NECAB1: variants seen among roughly 807,000 people sequenced by gnomAD.
NECAB1 encodes N-terminal EF-hand calcium binding protein 1, also known as N-terminal EF-hand calcium-binding protein 1.
A neutral mutation model predicts 57.5 loss-of-function variants in NECAB1; 29 were observed. The ratio of observed to expected loss-of-function variants is 0.50; its 90% CI spans 0.38 to 0.69. NECAB1 has a LOEUF of 0.69. NECAB1 is among the 30% of genes least tolerant of loss of function. The pLI is 0.00. For missense variants in NECAB1, 372 were observed against 413.8 expected, an observed-to-expected ratio of 0.90 and a Z score of 0.88; for synonymous variants, 142 against 147.7, an observed-to-expected ratio of 0.96 and a Z score of 0.28.
At chr8:90,940,937 C>A in intron 10 of NECAB1, 39 bp downstream of exon 10, 1 of 1,435,922 alleles carries the variant, frequency 7.0e-7, no homozygotes, top group Non-Finnish European at 9.6e-7. Context: ...CCTTTGGCAG[C>A]CTGGGAATAC....
intron 8 of NECAB1, among the ~76,000 whole-genome samples, chr8:90,933,566 G>T (rs963015101): frequency 6.6e-6 from 1 of 151,984 alleles, no homozygotes; most frequent in Non-Finnish European, 1.5e-5. Flanking sequence ...TAGACTTTGG[G>T]GACTCAGGAG....
At chr8:90,794,652 T>G (rs866998724) in intron 1 of NECAB1, among the ~76,000 whole-genome samples, 1 of 152,218 alleles carries the variant, frequency 6.6e-6, no homozygotes, top group African/African-American at 2.4e-5. Context: ...TGGCTTTTCC[T>G]TCAGTATCCT....
At chr8:90,834,198 A>G (rs900120797) in intron 3 of NECAB1, among the ~76,000 whole-genome samples, 5 of 151,176 alleles carry the variant, frequency 3.3e-5, no homozygotes, top group Non-Finnish European at 7.4e-5. Flanking sequence ...AGATTTCAGA[A>G]TTTTAGAAAT....
At chr8:90,796,993 C>T (rs1434891355) in intron 1 of NECAB1, among the ~76,000 whole-genome samples, 1 of 152,146 alleles carries the variant, frequency 6.6e-6, no homozygotes, top group African/African-American at 2.4e-5. Context: ...CTTCAAAATC[C>T]TGAGGACAAA....
rs1554575432 is a variant in NECAB1 at position 90,917,870 on chromosome 8, A to ATATATATATGTGTG, written c.494+243_494+244insATATATATGTGTGT. On this transcript the variant is annotated intron_variant, in intron 6 of 12. Coordinates refer to ENST00000417640, the MANE Select transcript of NECAB1 (RefSeq NM_022351.5). The stretch of plus-strand genomic sequence containing the variant: ...TATATATATATATATATATATATAT[A>ATATATATATGTGTG]TGTGTGTGTGTGCGTGTATATATAT... Among the ~76,000 whole-genome samples, 511 of 64,208 alleles carry ATATATATATGTGTG rather than the reference A, an allele frequency of 8.0e-3. 25 individuals carry two copies. Among genetic ancestry groups the ATATATATATGTGTG allele is most frequent in the African/African-American group, 0.046 (436 of 9,486 alleles). 42.1% of individuals were successfully genotyped at this position (64,208 alleles called of 152,430 possible).
In NECAB1 at chr8:90,947,432, G is replaced by A. The variant is rs992468333; in HGVS notation, c.861-2375G>A. ...TTTTTTTTTTTTCAGAAAGAATCTC[G>A]CTCTGTTGCCCAGGCTGGAGTGCAG... is the stretch of plus-strand genomic sequence containing the variant. On this transcript the variant is annotated intron_variant, in intron 10 of 12. Transcript: ENST00000417640. 4.6e-5 allele frequency among the ~76,000 whole-genome samples: 6 copies of A among 129,690 alleles called. No individual in the cohort carries two copies. The East Asian group carries it at 1.1e-3, about 25-fold the overall frequency. The allele number at this position is 129,690 out of a possible 152,430, so 85.1% of individuals were successfully genotyped here. A position where few individuals can be genotyped will look rare whatever the true frequency, so the allele number is the denominator to read the frequency against.
At chr8:90,874,631 G>T (rs1442137222) in intron 4 of NECAB1, among the ~76,000 whole-genome samples, 1 of 152,130 alleles carries the variant, frequency 6.6e-6, no homozygotes, top group Non-Finnish European at 1.5e-5. Flanking sequence ...GATTAGTGCA[G>T]TTGCATCCCC....
At position 90,899,497 on chromosome 8, in the gene NECAB1, C is replaced by T. The variant is rs374393144; in HGVS notation, c.358-17995C>T. ...AAGTCCTAGTTACTGAATAACTTAG[C>T]AGAGGGTAGTTAAAAGCTCACTAAA... On this transcript the variant is annotated intron_variant, in intron 5 of 12. Coordinates refer to ENST00000417640, the MANE Select transcript of NECAB1 (RefSeq NM_022351.5). Among the ~76,000 whole-genome samples, 8 of 152,210 alleles carry T rather than the reference C, an allele frequency of 5.3e-5. No homozygotes were observed. In the South Asian group the frequency reaches 1.7e-3, roughly 32 times the overall value.
At chr8:90,920,963 G>A (rs369945966) in intron 6 of NECAB1, among the ~76,000 whole-genome samples, 4 of 152,288 alleles carry the variant, frequency 2.6e-5, no homozygotes, top group East Asian at 3.9e-4. Context: ...GTCATCTGGG[G>A]TTCAGAAAGA....
chr8:90,802,936 A>G (rs1329959085), intron 2 of NECAB1, among the ~76,000 whole-genome samples: 4 of 152,040 alleles, frequency 2.6e-5, no homozygotes, highest in African/African-American at 4.8e-5. Context: ...TCTCTCTGTC[A>G]CCCAGACTGG....
At chr8:90,810,980 C>T (rs1264707498) in intron 2 of NECAB1, among the ~76,000 whole-genome samples, 3 of 150,536 alleles carry the variant, frequency 2.0e-5, no homozygotes, top group African/African-American at 7.3e-5. Flanking sequence ...CAGAGTCTTG[C>T]TCTGTCTCCC....
intron 5 of NECAB1, among the ~76,000 whole-genome samples, chr8:90,901,420 A>G (rs1351485903): frequency 1.3e-5 from 2 of 152,172 alleles, no homozygotes; most frequent in Non-Finnish European, 2.9e-5. Context: ...GCCTCATGAG[A>G]CTAGAACCCA....
At chr8:90,815,738 A>G (rs532982431) in intron 2 of NECAB1, among the ~76,000 whole-genome samples, 6 of 152,152 alleles carry the variant, frequency 3.9e-5, no homozygotes, top group African/African-American at 1.2e-4. Flanking sequence ...ACAACTTTTT[A>G]TCATTGTATA....
chr8:90,836,091 G>A (rs952119712), intron 3 of NECAB1, among the ~76,000 whole-genome samples: 5 of 152,066 alleles, frequency 3.3e-5, no homozygotes, highest in Admixed American at 6.6e-5. Flanking sequence ...CTTAAAGGCC[G>A]TGAAATATAA....
chr8:90,955,528 T>C lies in NECAB1; in HGVS notation c.*16T>C. 6.5e-7 allele frequency: 1 copy of C among 1,546,988 alleles called. No individual in the cohort carries two copies. Among genetic ancestry groups the C allele is most frequent in the African/African-American group, 1.4e-5 (1 of 73,420 alleles). On this transcript the variant is annotated 3_prime_UTR_variant, in exon 13 of 13. Transcript: ENST00000417640. Reference sequence around the variant, plus strand: ...GAACAACTAGATGTTCCTAGACATTTTCTTTATGGTTCCAAGTGCAAAACA... The same window carrying C: ...GAACAACTAGATGTTCCTAGACATTCTCTTTATGGTTCCAAGTGCAAAACA...
chr8:90,840,498 G>A (rs1437182072), intron 3 of NECAB1, among the ~76,000 whole-genome samples: 1 of 152,204 alleles, frequency 6.6e-6, no homozygotes, highest in Non-Finnish European at 1.5e-5. Context: ...TTTGTTCACT[G>A]CCTTTGGAAT....
intron 10 of NECAB1, among the ~76,000 whole-genome samples, chr8:90,945,632 T>C (rs1298061040): frequency 4.6e-5 from 7 of 152,194 alleles, no homozygotes; most frequent in African/African-American, 7.2e-5. Context: ...AGGTAGGACA[T>C]GCACATGGGG....
chr8:90,842,945 A>C, intron 3 of NECAB1, among the ~76,000 whole-genome samples: 1 of 152,144 alleles, frequency 6.6e-6, no homozygotes, highest in East Asian at 1.9e-4. Flanking sequence ...TCCCTTTCAC[A>C]TTGTATTAGG....
intron 4 of NECAB1, among the ~76,000 whole-genome samples, chr8:90,879,636 T>TA (rs1406409603): frequency 1.3e-5 from 2 of 152,184 alleles, no homozygotes; most frequent in African/African-American, 4.8e-5. Flanking sequence ...TTTTCCAACT[T>TA]ACGAATATTC....
Sources: allele counts gnomAD v4.1 joint callset (sites outside exome capture counted in the v4.1 genomes callset), GRCh38; gene constraint gnomAD v4.1.1; transcripts MANE v1.5; gene names NCBI Gene and HGNC (gene_info 2026-07-23, HGNC 2026-07-21).